Variants in HNF4G observed in about 807,000 individuals in gnomAD.
HNF4G encodes hepatocyte nuclear factor 4 gamma, also known as hepatocyte nuclear factor 4-gamma.
Under a neutral mutation model 50.9 loss-of-function variants are expected in HNF4G, and 21 were observed. The observed-to-expected ratio is 0.41, with a 90% CI of 0.29 to 0.59. The LOEUF (loss-of-function observed/expected upper bound fraction) is 0.59. Ranked by LOEUF, HNF4G falls within the 20% of genes least tolerant of loss-of-function variation. The pLI is 0.26. For missense variants in HNF4G, 527 were observed against 559.4 expected, an observed-to-expected ratio of 0.94 and a Z score of 0.58; for synonymous variants, 198 against 185.6, an observed-to-expected ratio of 1.07 and a Z score of -0.54.
At position 75,418,722 on chromosome 8, in the gene HNF4G, CTTTTTTTTTTT is replaced by C. The variant is rs560295179; in HGVS notation, c.-144+10572_-144+10582del. Among the ~76,000 whole-genome samples, 210 of 109,394 alleles carry C rather than the reference CTTTTTTTTTTT, an allele frequency of 1.9e-3. 1 individual carries two copies. The highest frequency in any genetic ancestry group is 9.0e-3 in the Admixed American group (94 of 10,404). 71.8% of individuals were successfully genotyped at this position (109,394 alleles called of 152,430 possible). A position where few individuals can be genotyped will look rare whatever the true frequency, so the allele number is the denominator to read the frequency against. ...CCTAGTGATAAGTCTCTCTCTCTCTCTTTTTTTTTTTTTTTTTTTTTTGAGATGGAGTTTCT... is the reference window on the plus strand; with the variant it reads ...CCTAGTGATAAGTCTCTCTCTCTCTCTTTTTTTTTTTGAGATGGAGTTTCT... On this transcript the variant is annotated intron_variant, in intron 1 of 10. Transcript: ENST00000354370.
intron 1 of HNF4G, among the ~76,000 whole-genome samples, chr8:75,425,246 G>A (rs1228416484): frequency 6.6e-6 from 1 of 151,738 alleles, no homozygotes; most frequent in Non-Finnish European, 1.5e-5. Context: ...CATCATGCCT[G>A]GCTAATTTTT....
intron 1 of HNF4G, among the ~76,000 whole-genome samples, chr8:75,421,069 C>A (rs1300195822): frequency 6.6e-6 from 1 of 152,158 alleles, no homozygotes; most frequent in African/African-American, 2.4e-5. Context: ...CTTTAATAAT[C>A]TATTTTATTT....
At position 75,430,670 on chromosome 8, in the gene HNF4G, T is replaced by C. The variant is rs746291578; in HGVS notation, c.-144+22508T>C. On this transcript the variant is annotated intron_variant, in intron 1 of 10. Coordinates refer to the HNF4G transcript ENST00000354370. Reference sequence around the variant, plus strand: ...ACCTCAAAACCTCTAAAGGTAAAATTTTACTTTTAAGTGACACTTGGTTGA... The same window carrying C: ...ACCTCAAAACCTCTAAAGGTAAAATCTTACTTTTAAGTGACACTTGGTTGA... 6.8e-4 allele frequency among the ~76,000 whole-genome samples: 104 copies of C among 152,298 alleles called. 1 individual carries two copies. The highest frequency in any genetic ancestry group is 1.1e-3 in the Non-Finnish European group (78 of 68,028).
chr8:75,419,320 A>G (rs189762845), intron 1 of HNF4G, among the ~76,000 whole-genome samples: 2 of 152,322 alleles, frequency 1.3e-5, no homozygotes, highest in African/African-American at 4.8e-5. Flanking sequence ...TCATACAGGC[A>G]TTTATGTATC....
chr8:75,428,288 T>A (rs1012881871), intron 1 of HNF4G, among the ~76,000 whole-genome samples: 1 of 152,184 alleles, frequency 6.6e-6, no homozygotes, highest in African/African-American at 2.4e-5. Context: ...GTAAGTTACT[T>A]GGTGTTTCAC....
At chr8:75,521,638 A>G (rs557629023) in intron 2 of HNF4G, among the ~76,000 whole-genome samples, 1 of 152,332 alleles carries the variant, frequency 6.6e-6, no homozygotes, top group South Asian at 2.1e-4. Flanking sequence ...ATAAATGTGT[A>G]CTGTTACTAC....
At chr8:75,510,769 A>G (rs117482160) in intron 2 of HNF4G, among the ~76,000 whole-genome samples, 4,403 of 152,200 alleles carry the variant, frequency 0.029, 98 homozygotes, top group Non-Finnish European at 0.043. Context: ...CTAACAATGC[A>G]TTTCTCAGAA....
At chr8:75,472,270 T>G (rs1437923869) in intron 1 of HNF4G, among the ~76,000 whole-genome samples, 1 of 152,140 alleles carries the variant, frequency 6.6e-6, no homozygotes, top group East Asian at 1.9e-4. Context: ...AGCTTAGAAA[T>G]TCTTTTTTCT....
intron 1 of HNF4G, among the ~76,000 whole-genome samples, chr8:75,430,475 AGAGAGAG>A (rs1477895047): frequency 2.9e-5 from 1 of 34,174 alleles, no homozygotes; most frequent in Non-Finnish European, 6.8e-5. Context: ...GGTAGGGAGT[AGAGAGAG>A]AGAGAGAGAG....
In HNF4G at chr8:75,540,026, C is replaced by A. The variant is rs770191616; in HGVS notation, c.64C>A (p.Pro22Thr). 7.5e-6 allele frequency: 12 copies of A among 1,609,282 alleles called. No individual in the cohort carries two copies. In the Admixed American group the frequency reaches 8.3e-5, roughly 11 times the overall value. ...GGCAAATTACAGTGAAGTTTTGGAC[C>A]CAACTTACACAACTTTGGAGTTTGA... ...DMANYSEVLD[P>T]TYTTLEFETM... Residue 22 changes from proline (P) to threonine (T), a missense_variant, in exon 1 of 10, where the codon CCA (proline) becomes ACA (threonine). Transcript: ENST00000396423.
chr8:75,537,289 G>A (rs1259293206), upstream of HNF4G, among the ~76,000 whole-genome samples: 1 of 151,782 alleles, frequency 6.6e-6, no homozygotes, highest in African/African-American at 2.4e-5. Flanking sequence ...TGTCCTCCTG[G>A]CTGGACTGCA....
intron 1 of HNF4G, among the ~76,000 whole-genome samples, chr8:75,413,077 G>C (rs1810538501): frequency 6.6e-6 from 1 of 151,866 alleles, no homozygotes; most frequent in Admixed American, 6.6e-5. Context: ...GATCAGACTT[G>C]CAGTAGGAAT....
intron 1 of HNF4G, among the ~76,000 whole-genome samples, chr8:75,436,063 T>G (rs1371949578): frequency 6.6e-6 from 1 of 152,140 alleles, no homozygotes. Context: ...TCTGTTATAA[T>G]AGCAACATAA....
chr8:75,494,786 T>C (rs1334070000), intron 2 of HNF4G, among the ~76,000 whole-genome samples: 1 of 151,990 alleles, frequency 6.6e-6, no homozygotes, highest in Non-Finnish European at 1.5e-5. Context: ...TGCACTAAAA[T>C]TATACATTTT....
chr8:75,444,072 C>A lies in HNF4G; in HGVS notation c.-144+35910C>A, dbSNP rs539638323. On this transcript the variant is annotated intron_variant, in intron 1 of 10. Transcript: ENST00000354370. ...AAAGGGAAGCCCATCAGACTAACAG[C>A]AGATCTCTCAGCAGAAACCCTACAA... Among the ~76,000 whole-genome samples the A allele has an allele frequency of 4.6e-5, 7 of 152,222 alleles. No individual in the cohort carries two copies. In the South Asian group the frequency reaches 1.4e-3, roughly 32 times the overall value.
At chr8:75,498,471 CA>C (rs1414227603) in intron 2 of HNF4G, among the ~76,000 whole-genome samples, 1 of 151,988 alleles carries the variant, frequency 6.6e-6, no homozygotes, top group Admixed American at 6.6e-5. Context: ...TGAATTCGAG[CA>C]AGTATTTAAA....
At chr8:75,501,133 A>T (rs988929657) in intron 2 of HNF4G, among the ~76,000 whole-genome samples, 2 of 152,098 alleles carry the variant, frequency 1.3e-5, no homozygotes, top group Admixed American at 1.3e-4. Context: ...CATATTATAA[A>T]ACTACAGGAA....
At chr8:75,531,593 A>T (rs1806326841) in intron 2 of HNF4G, among the ~76,000 whole-genome samples, 1 of 152,096 alleles carries the variant, frequency 6.6e-6, no homozygotes, top group African/African-American at 2.4e-5. Context: ...CTTTTATATT[A>T]TACAGTCAGC....
intron 2 of HNF4G, among the ~76,000 whole-genome samples, chr8:75,511,828 T>G (rs997050143): frequency 2.0e-5 from 3 of 152,216 alleles, no homozygotes; most frequent in African/African-American, 7.2e-5. Context: ...TCCACCCGCC[T>G]CGGCCTCCCA....
Sources: allele counts gnomAD v4.1 joint callset (sites outside exome capture counted in the v4.1 genomes callset), GRCh38; gene constraint gnomAD v4.1.1; transcripts MANE v1.5; gene names NCBI Gene and HGNC (gene_info 2026-07-23, HGNC 2026-07-21).